HBS1L: variants seen among roughly 807,000 people sequenced by gnomAD.
HBS1L encodes the protein HBS1-like protein.
Under a neutral mutation model 88.9 loss-of-function variants are expected in HBS1L, and 55 were observed. The ratio of observed to expected loss-of-function variants is 0.62; its 90% CI spans 0.50 to 0.77. HBS1L has a LOEUF of 0.77. Ranked by LOEUF, HBS1L falls within the 30% of genes least tolerant of loss-of-function variation. The probability of loss-of-function intolerance (pLI) is 0.00; values close to 1 mark genes in which losing one functional copy is unlikely to be tolerated. For synonymous variants in HBS1L, 267 were observed against 288.5 expected, an observed-to-expected ratio of 0.93 and a Z score of 0.76; for missense variants, 741 against 829.3, an observed-to-expected ratio of 0.89 and a Z score of 1.31.
At chr6:135,038,116 G>T in intron 4 of HBS1L, 1 of 977,602 alleles carries the variant, frequency 1.0e-6, no homozygotes, top group South Asian at 2.0e-5. Flanking sequence ...ATGAAATGAG[G>T]CATTTAATTA....
chr6:134,966,208 G>T lies in HBS1L; in HGVS notation c.2043+121C>A, dbSNP rs138764591. 152 of 816,398 alleles carry T rather than the reference G, an allele frequency of 1.9e-4. No individual in the cohort carries two copies. The African/African-American group carries it at 2.1e-3, about 11-fold the overall frequency. 50.6% of individuals were successfully genotyped at this position (816,398 alleles called of 1,614,324 possible). ...ACCACTACAACCTAAAATGAGTAAG[G>T]CTTCTCCTAATCAATGCTTTTTCTT... On this transcript the variant is annotated intron_variant, in intron 17 of 17. Coordinates refer to ENST00000367837, the MANE Select transcript of HBS1L (RefSeq NM_006620.4).
At chr6:135,005,252 C>T (rs768888744) in intron 4 of HBS1L, among the ~76,000 whole-genome samples, 1 of 152,118 alleles carries the variant, frequency 6.6e-6, no homozygotes, top group Non-Finnish European at 1.5e-5. Context: ...TTTCAAAATC[C>T]AAAAGCATTG....
At chr6:135,011,282 A>G (rs1775765625) in intron 4 of HBS1L, among the ~76,000 whole-genome samples, 1 of 152,228 alleles carries the variant, frequency 6.6e-6, no homozygotes, top group East Asian at 1.9e-4. Flanking sequence ...TGGGAGGCCA[A>G]GGTGGGAGGA....
rs753518456 is a variant in HBS1L, at chr6:134,966,406, A to G, written c.1966T>C (p.Tyr656His). ...CTCCCCAGCTCTTTAAAGTCTTTAT[A>G]TAGCTCAAGAGCTATTGGTCTTTGT... ...QTQRPIALEL[Y>H]KDFKELGRFM... Residue 656 changes from tyrosine to histidine, a missense_variant, in exon 17 of 18, where the codon TAT becomes CAT. By Grantham distance (83) the Tyr-to-His change is moderately conservative (BLOSUM62 2). Transcript: ENST00000367837. 6.2e-7 allele frequency: 1 copy of G among 1,612,868 alleles called. No individual in the cohort carries two copies. The highest frequency in any genetic ancestry group is 1.1e-5 in the South Asian group (1 of 90,980).
chr6:135,031,659 A>T (rs1776387238), intron 4 of HBS1L, among the ~76,000 whole-genome samples: 1 of 151,992 alleles, frequency 6.6e-6, no homozygotes, highest in Admixed American at 6.5e-5. Context: ...CCACACTGCA[A>T]TAAAGATAAT....
At chr6:135,020,262 T>C (rs1419574622) in intron 4 of HBS1L, among the ~76,000 whole-genome samples, 1 of 151,880 alleles carries the variant, frequency 6.6e-6, no homozygotes, top group Non-Finnish European at 1.5e-5. Context: ...TAAGTGGTAA[T>C]AAAAGAACAC....
chr6:134,974,171 T>C (rs1434935426), intron 15 of HBS1L, among the ~76,000 whole-genome samples: 3 of 151,930 alleles, frequency 2.0e-5, no homozygotes, highest in Admixed American at 2.0e-4. Context: ...GGATAAATCC[T>C]GGAAACATAC....
chr6:134,996,008 T>C (rs560414419), intron 7 of HBS1L, among the ~76,000 whole-genome samples: 2 of 152,268 alleles, frequency 1.3e-5, no homozygotes, highest in South Asian at 2.1e-4. Context: ...AATAATCAGA[T>C]TGAAGACATC....
At chr6:135,025,485 T>C (rs1776200736) in intron 4 of HBS1L, among the ~76,000 whole-genome samples, 1 of 121,694 alleles carries the variant, frequency 8.2e-6, no homozygotes, top group Non-Finnish European at 1.7e-5. Flanking sequence ...AGCCTTTCAC[T>C]GCTTCTGTTT....
intron 4 of HBS1L, among the ~76,000 whole-genome samples, chr6:135,034,878 A>G (rs1776488035): frequency 6.6e-6 from 1 of 152,214 alleles, no homozygotes. Context: ...ACAGAAATAC[A>G]CATTTTGGGG....
At chr6:135,019,544 G>T (rs1324834440) in intron 4 of HBS1L, among the ~76,000 whole-genome samples, 1 of 151,758 alleles carries the variant, frequency 6.6e-6, no homozygotes, top group Non-Finnish European at 1.5e-5. Context: ...AGTGACAATA[G>T]AATACACATA....
At chr6:134,987,514 C>A in intron 9 of HBS1L, 131 bp downstream of exon 9, 1 of 564,666 alleles carries the variant, frequency 1.8e-6, no homozygotes, top group Non-Finnish European at 2.8e-6. Flanking sequence ...AAGATGAGAA[C>A]AGAGAATTTA....
chr6:134,990,687 G>A (rs1383948868), intron 8 of HBS1L, among the ~76,000 whole-genome samples: 2 of 152,074 alleles, frequency 1.3e-5, no homozygotes, highest in African/African-American at 4.8e-5. Context: ...AGTAAGTGAG[G>A]CTACAGGCAC....
intron 4 of HBS1L, among the ~76,000 whole-genome samples, chr6:135,007,968 C>T (rs1461444398): frequency 6.6e-6 from 1 of 152,172 alleles, no homozygotes; most frequent in Non-Finnish European, 1.5e-5. Flanking sequence ...ATTTCACTAG[C>T]TTCAGTTTCC....
At chr6:134,972,054 T>C (rs1378935203) in intron 15 of HBS1L, among the ~76,000 whole-genome samples, 1 of 152,174 alleles carries the variant, frequency 6.6e-6, no homozygotes, top group Non-Finnish European at 1.5e-5. Context: ...TTTAGAGTGT[T>C]GTTCCCTTCT....
chr6:134,974,907 CCAGAGCAA>C (rs1184867165), intron 15 of HBS1L, among the ~76,000 whole-genome samples: 1 of 152,132 alleles, frequency 6.6e-6, no homozygotes, highest in Non-Finnish European at 1.5e-5. Context: ...GAAGTCCTAG[CCAGAGCAA>C]TCAGGCAAGA....
intron 4 of HBS1L, among the ~76,000 whole-genome samples, chr6:135,024,889 G>A (rs1776182653): frequency 6.6e-6 from 1 of 151,936 alleles, no homozygotes; most frequent in Non-Finnish European, 1.5e-5. Context: ...CTGAATTGGG[G>A]GAAAAAAGAG....
intron 15 of HBS1L, among the ~76,000 whole-genome samples, chr6:134,977,992 T>C (rs1302916102): frequency 1.3e-5 from 2 of 152,014 alleles, no homozygotes; most frequent in Non-Finnish European, 2.9e-5. Context: ...CCTCTTCCCA[T>C]AAAATGTATA....
chr6:135,054,488 T>A (rs1362095167), intron 1 of HBS1L, among the ~76,000 whole-genome samples, 161 bp downstream of exon 1: 5 of 152,196 alleles, frequency 3.3e-5, no homozygotes, highest in African/African-American at 9.6e-5. Flanking sequence ...AACGACGGCA[T>A]TTGAAAGCAC....
Sources: gnomAD v4.1 joint callset for allele counts (sites outside exome capture counted in the v4.1 genomes callset) on GRCh38, gnomAD v4.1.1 for gene constraint, MANE v1.5 for transcripts, NCBI Gene and HGNC (gene_info 2026-07-23, HGNC 2026-07-21) for gene names.